The following ARL5B variants were observed in gnomAD, a reference collection of about 807,000 sequenced individuals.
ARL5B encodes the protein ARF like GTPase 5B, also known as ADP-ribosylation factor-like protein 5B.
ARL5B carries 10 observed loss-of-function variants against 26.9 expected under a neutral mutation model. That is an observed-to-expected ratio of 0.37 (90% CI 0.23 to 0.63). The LOEUF (loss-of-function observed/expected upper bound fraction) is 0.63. ARL5B is among the 30% of genes least tolerant of loss of function. The pLI, the probability that ARL5B is intolerant of heterozygous loss-of-function variation, is 0.62. For missense variants in ARL5B, 167 were observed against 213.9 expected, an observed-to-expected ratio of 0.78 and a Z score of 1.37; for synonymous variants, 87 against 70.4, an observed-to-expected ratio of 1.24 and a Z score of -1.18.
chr10:18,677,553 T>G lies in ARL5B; in HGVS notation c.*2337T>G, dbSNP rs2059915582. The G allele has an allele frequency of 6.6e-6, 1 of 152,218 alleles. No homozygotes were observed. The highest frequency in any genetic ancestry group is 1.5e-5 in the Non-Finnish European group (1 of 67,776). 9.4% of individuals were successfully genotyped at this position (152,218 alleles called of 1,614,324 possible). ...GTATTTTTTAGGTTTTCACTCAATCTTTCCTGTCACAGTAACGTGAAAACT... is the reference window on the plus strand; with the variant it reads ...GTATTTTTTAGGTTTTCACTCAATCGTTCCTGTCACAGTAACGTGAAAACT... On this transcript the variant is annotated 3_prime_UTR_variant, in exon 6 of 6. Transcript: ENST00000377275.
intron 1 of ARL5B, among the ~76,000 whole-genome samples, chr10:18,661,804 T>C (rs558470689): frequency 8.0e-4 from 122 of 152,356 alleles, no homozygotes; most frequent in Non-Finnish European, 1.0e-3. Flanking sequence ...CGTGTTATTC[T>C]AGGCAGAAGA....
Position 18,673,976 on chromosome 10 carries a change from G to T in ARL5B, c.340-8G>T, listed in dbSNP as rs2059899382. On this transcript the variant is annotated splice_polypyrimidine_tract_variant and splice_region_variant and intron_variant, in intron 4 of 5. Coordinates refer to ENST00000377275, the MANE Select transcript of ARL5B (RefSeq NM_178815.5). ...TCACATATTAGAAATATTTTGTCTTGATTGCAGGATTTACGGAAGGCTGCA... is the reference window on the plus strand; with the variant it reads ...TCACATATTAGAAATATTTTGTCTTTATTGCAGGATTTACGGAAGGCTGCA... 1.3e-6 allele frequency: 2 copies of T among 1,588,292 alleles called. No individual in the cohort carries two copies. Among genetic ancestry groups the T allele is most frequent in the Non-Finnish European group, 1.7e-6 (2 of 1,168,606 alleles).
Position 18,659,583 on chromosome 10 carries a change from C to G in ARL5B, c.-55C>G. 1 of 1,560,518 alleles carries G rather than the reference C, an allele frequency of 6.4e-7. No individual in the cohort carries two copies. Among genetic ancestry groups the G allele is most frequent in the Non-Finnish European group, 8.7e-7 (1 of 1,155,372 alleles). ...CGCAGCCCGCGCCGCGGTGGGGGAC[C>G]CGGCGCAGCGGCACCTGCTGCCGAG... On this transcript the variant is annotated 5_prime_UTR_variant, in exon 1 of 6. Transcript: ENST00000377275.
At chr10:18,672,557 A>T in intron 3 of ARL5B, 65 bp from the exon 4 acceptor site, 1 of 1,103,942 alleles carries the variant, frequency 9.1e-7, no homozygotes, top group Middle Eastern at 2.4e-4. Context: ...TTACTTGAGT[A>T]GTTTTACAGA....
intron 1 of ARL5B, among the ~76,000 whole-genome samples, chr10:18,661,895 A>C (rs181955302): frequency 1.3e-5 from 2 of 152,274 alleles, no homozygotes; most frequent in Admixed American, 1.3e-4. Flanking sequence ...GCTGTGTGTT[A>C]GTTTGCTTGC....
rs1168032137 is a variant in ARL5B, at chr10:18,680,707, A to G, written c.*5491A>G. On this transcript the variant is annotated 3_prime_UTR_variant, in exon 6 of 6. Coordinates refer to ENST00000377275, the MANE Select transcript of ARL5B (RefSeq NM_178815.5). ...GCTGCTATTTCAGTGAAAGTGTAAA[A>G]TAAAACGGTCATGATTTTTTTCAAT... 2 of 152,180 alleles carry G rather than the reference A, an allele frequency of 1.3e-5. No individual in the cohort carries two copies. The highest frequency in any genetic ancestry group is 2.9e-5 in the Non-Finnish European group (2 of 68,010). The allele number at this position is 152,180 out of a possible 1,614,324, so 9.4% of individuals were successfully genotyped here.
rs2059815580 is a variant in ARL5B at position 18,659,471 on chromosome 10, G to C, written c.-167G>C. On this transcript the variant is annotated 5_prime_UTR_variant, in exon 1 of 6. Transcript: ENST00000377275. ...AAGGGCTGTCCGGTGGGGATTCGTC[G>C]CGGCGCCTTCTGAGTGGTCGGGTCG... 1.2e-6 allele frequency: 1 copy of C among 847,040 alleles called. No homozygotes were observed. The highest frequency in any genetic ancestry group is 1.9e-5 in the South Asian group (1 of 51,846). The allele number at this position is 847,040 out of a possible 1,614,324, so 52.5% of individuals were successfully genotyped here.
chr10:18,673,855 G>T, intron 4 of ARL5B, 129 bp from the exon 5 acceptor site: 2 of 690,544 alleles, frequency 2.9e-6, no homozygotes, highest in Non-Finnish European at 4.1e-6. Flanking sequence ...ACGGGTATTT[G>T]AGATTATTTT....
intron 2 of ARL5B, among the ~76,000 whole-genome samples, chr10:18,667,975 T>C (rs775514325): frequency 2.0e-5 from 3 of 152,138 alleles, no homozygotes; most frequent in Non-Finnish European, 4.4e-5. Context: ...GTGCTAGAAT[T>C]ATAGGTGTGA....
At chr10:18,671,194 A>G (rs375982120) in intron 3 of ARL5B, among the ~76,000 whole-genome samples, 80 of 151,582 alleles carry the variant, frequency 5.3e-4, no homozygotes, top group African/African-American at 1.7e-3. Context: ...TTTGTTTTTT[A>G]TTTATTTATT....
chr10:18,659,907 A>G (rs1271714735), intron 1 of ARL5B: 2 of 985,392 alleles, frequency 2.0e-6, no homozygotes, highest in Non-Finnish European at 2.4e-6. Flanking sequence ...TTGGCGTCCC[A>G]GAATCCAAAC....
intron 1 of ARL5B, among the ~76,000 whole-genome samples, chr10:18,661,403 C>T (rs925231535): frequency 6.6e-6 from 1 of 152,092 alleles, no homozygotes; most frequent in Non-Finnish European, 1.5e-5. Context: ...TGAAAGACAT[C>T]CAGTGGCTAC....
Position 18,666,591 on chromosome 10 carries a change from A to G in ARL5B, c.63A>G (p.Ile21Met), listed in dbSNP as rs1221230241. 6.2e-7 allele frequency: 1 copy of G among 1,609,464 alleles called. No homozygotes were observed. Among genetic ancestry groups the G allele is most frequent in the African/African-American group, 1.3e-5 (1 of 74,824 alleles). ...TTTTTGTAGAACACAAAGTAATTAT[A>G]GTGGGACTGGATAATGCAGGGAAAA... ...LFCNQEHKVI[I>M]VGLDNAGKTT... Residue 21 changes from isoleucine to methionine, a missense_variant, in exon 2 of 6, where the codon ATA becomes ATG. Ile to Met is a conservative substitution (Grantham distance 10). Transcript: ENST00000377275.
chr10:18,672,473 T>G, intron 3 of ARL5B, 149 bp from the exon 4 acceptor site: 1 of 523,556 alleles, frequency 1.9e-6, no homozygotes, highest in South Asian at 2.5e-5. Flanking sequence ...TTCAGTATTA[T>G]AAAAGCTGTT....
intron 2 of ARL5B, among the ~76,000 whole-genome samples, chr10:18,666,895 C>T (rs996922725): frequency 4.6e-5 from 7 of 152,114 alleles, no homozygotes; most frequent in African/African-American, 1.7e-4. Context: ...ATTAGAAGTG[C>T]TGGGGTGAGG....
chr10:18,675,131 A>G (rs1319327554), intron 5 of ARL5B, 37 bp from the exon 6 acceptor site: 1 of 1,592,264 alleles, frequency 6.3e-7, no homozygotes, highest in Non-Finnish European at 8.6e-7. Context: ...TTTAAGTATA[A>G]GGTTTTTAAT....
Position 18,668,649 on chromosome 10 carries a change from C to G in ARL5B, c.227C>G (p.Ser76Cys). 6.2e-7 allele frequency: 1 copy of G among 1,614,048 alleles called. No homozygotes were observed. Among genetic ancestry groups the G allele is most frequent in the Non-Finnish European group, 8.5e-7 (1 of 1,180,000 alleles). ...GGTGGTCAGGAGTCTCTGCGATCAT[C>G]CTGGAACACATATTACTCAAATACA... is the stretch of plus-strand genomic sequence containing the variant. ...DIGGQESLRS[S>C]WNTYYSNTEF... Residue 76 changes from serine (S) to cysteine (C), a missense_variant, in exon 3 of 6, where the codon TCC (serine) becomes TGC (cysteine). Ser to Cys is a moderately radical substitution (Grantham distance 112). Coordinates refer to ENST00000377275, the MANE Select transcript of ARL5B (RefSeq NM_178815.5).
rs2059924465 is a variant in ARL5B, at chr10:18,679,652, A to C, written c.*4436A>C. 6.6e-6 allele frequency: 1 copy of C among 151,976 alleles called. No homozygotes were observed. Among genetic ancestry groups the C allele is most frequent in the Non-Finnish European group, 1.5e-5 (1 of 67,858 alleles). 9.4% of individuals were successfully genotyped at this position (151,976 alleles called of 1,614,324 possible). A position where few individuals can be genotyped will look rare whatever the true frequency, so the allele number is the denominator to read the frequency against. ...CATTTTAAATTTAAAGCAGAAAAAA[A>C]AATTGTGCCCCTCAGACCTAAAGGC... On this transcript the variant is annotated 3_prime_UTR_variant, in exon 6 of 6. Coordinates refer to ENST00000377275, the MANE Select transcript of ARL5B (RefSeq NM_178815.5).
rs1254020532 is a variant in ARL5B at position 18,681,075 on chromosome 10, T to C, written c.*5859T>C. ...TTCTGCGAAAGCTCTAAGAATATCT[T>C]CATTACTATGCTTGGTCAACTGGAA... On this transcript the variant is annotated 3_prime_UTR_variant, in exon 6 of 6. Transcript: ENST00000377275. The C allele has an allele frequency of 6.6e-6, 1 of 152,192 alleles. No individual in the cohort carries two copies. The highest frequency in any genetic ancestry group is 1.5e-5 in the Non-Finnish European group (1 of 68,028). The allele number at this position is 152,192 out of a possible 1,614,324, so 9.4% of individuals were successfully genotyped here.
Sources: gnomAD v4.1 joint callset for allele counts (sites outside exome capture counted in the v4.1 genomes callset) on GRCh38, gnomAD v4.1.1 for gene constraint, MANE v1.5 for transcripts, NCBI Gene and HGNC (gene_info 2026-07-23, HGNC 2026-07-21) for gene names.